Variants in FRMD4B observed in about 807,000 individuals in gnomAD.
FRMD4B encodes FERM domain-containing protein 4B.
A neutral mutation model predicts 141.5 loss-of-function variants in FRMD4B; 74 were observed. The observed-to-expected ratio is 0.52, with a 90% CI of 0.43 to 0.63. FRMD4B has a LOEUF of 0.63. Ranked by LOEUF, FRMD4B falls within the 30% of genes least tolerant of loss-of-function variation. The probability of loss-of-function intolerance (pLI) is 0.00; values close to 1 mark genes in which losing one functional copy is unlikely to be tolerated. For missense variants in FRMD4B, 1,366 were observed against 1,253.4 expected (o/e 1.09, Z -1.36); for synonymous variants, 506 against 467.9 (o/e 1.08, Z -1.05).
intron 2 of FRMD4B, among the ~76,000 whole-genome samples, chr3:69,419,121 A>T (rs1398542147): frequency 5.3e-5 from 8 of 152,208 alleles, no homozygotes; most frequent in Non-Finnish European, 1.0e-4. Context: ...TAACTAGGAA[A>T]TATATGGGAA....
At chr3:69,501,212 T>G (rs1706490376) in intron 1 of FRMD4B, among the ~76,000 whole-genome samples, 1 of 150,174 alleles carries the variant, frequency 6.7e-6, no homozygotes, top group Non-Finnish European at 1.5e-5. Context: ...CACTATAAGG[T>G]TTATGCATGG....
intron 1 of FRMD4B, among the ~76,000 whole-genome samples, chr3:69,443,739 T>G (rs1407857171): frequency 6.6e-6 from 1 of 152,252 alleles, no homozygotes; most frequent in Non-Finnish European, 1.5e-5. Flanking sequence ...CAAAGGAATT[T>G]GGTTTATAGT....
At chr3:69,282,665 G>T (rs1324070812) in intron 5 of FRMD4B, among the ~76,000 whole-genome samples, 1 of 152,134 alleles carries the variant, frequency 6.6e-6, no homozygotes, top group Non-Finnish European at 1.5e-5. Context: ...TGGAGATGGA[G>T]TCTCATTCTG....
chr3:69,278,631 G>A (rs1055071145), intron 5 of FRMD4B, among the ~76,000 whole-genome samples: 2 of 151,364 alleles, frequency 1.3e-5, no homozygotes, highest in Admixed American at 6.6e-5. Context: ...CTGCCGCTCA[G>A]GCAGGAGTGC....
At chr3:69,499,123 T>G (rs1706451439) in intron 1 of FRMD4B, among the ~76,000 whole-genome samples, 1 of 152,158 alleles carries the variant, frequency 6.6e-6, no homozygotes, top group South Asian at 2.1e-4. Context: ...GCAAAGGTCC[T>G]GAGGCAGGAA....
chr3:69,343,940 G>C (rs1196664339), intron 1 of FRMD4B, among the ~76,000 whole-genome samples: 1 of 152,168 alleles, frequency 6.6e-6, no homozygotes, highest in Non-Finnish European at 1.5e-5. Flanking sequence ...AGTCAAGCTT[G>C]TAAGAGCTAT....
chr3:69,179,989 CAG>C (rs2092687608), intron 21 of FRMD4B, among the ~76,000 whole-genome samples: 1 of 152,122 alleles, frequency 6.6e-6, no homozygotes, highest in Non-Finnish European at 1.5e-5. Flanking sequence ...CAAATGTTAG[CAG>C]AGTTAGGGGC....
intron 2 of FRMD4B, among the ~76,000 whole-genome samples, chr3:69,420,589 G>C (rs954324542): frequency 1.1e-4 from 16 of 151,596 alleles, no homozygotes; most frequent in African/African-American, 3.6e-4. Context: ...GGTTTCAAAT[G>C]GGTCAAGATG....
At chr3:69,179,414 C>G (rs2092682215) in intron 21 of FRMD4B, among the ~76,000 whole-genome samples, 1 of 152,158 alleles carries the variant, frequency 6.6e-6, no homozygotes, top group Non-Finnish European at 1.5e-5. Context: ...GTGAAAGTTT[C>G]TCACATCTTG....
At chr3:69,226,499 C>A (rs1004836746) in intron 7 of FRMD4B, among the ~76,000 whole-genome samples, 1 of 150,700 alleles carries the variant, frequency 6.6e-6, no homozygotes, top group African/African-American at 2.4e-5. Flanking sequence ...TAATGAAGGG[C>A]AAATGCATGC....
intron 1 of FRMD4B, among the ~76,000 whole-genome samples, chr3:69,493,211 T>C (rs1311395882): frequency 6.6e-6 from 1 of 152,216 alleles, no homozygotes; most frequent in Non-Finnish European, 1.5e-5. Flanking sequence ...AACTTGTCAA[T>C]TTATCAAATT....
intron 1 of FRMD4B, among the ~76,000 whole-genome samples, chr3:69,347,822 C>T (rs1446607815): frequency 6.6e-6 from 1 of 152,208 alleles, no homozygotes; most frequent in Middle Eastern, 3.2e-3. Context: ...CTCTGGGACA[C>T]ATTTAAAGCA....
intron 5 of FRMD4B, among the ~76,000 whole-genome samples, chr3:69,267,163 G>A (rs1166733635): frequency 6.6e-6 from 1 of 152,200 alleles, no homozygotes; most frequent in Non-Finnish European, 1.5e-5. Flanking sequence ...TCTGATTCAT[G>A]TCCAACATGA....
At chr3:69,207,788 C>T (rs997434828) in intron 11 of FRMD4B, among the ~76,000 whole-genome samples, 1 of 150,852 alleles carries the variant, frequency 6.6e-6, no homozygotes, top group Admixed American at 6.6e-5. Context: ...AGCCTGGTGA[C>T]AGAGTGAGAC....
chr3:69,481,954 C>A (rs1299208341), intron 1 of FRMD4B, among the ~76,000 whole-genome samples: 2 of 152,156 alleles, frequency 1.3e-5, no homozygotes, highest in Non-Finnish European at 2.9e-5. Flanking sequence ...GCAGAAAATC[C>A]CACAAATGTG....
chr3:69,280,003 A>T (rs1367005408), intron 5 of FRMD4B, among the ~76,000 whole-genome samples: 3 of 152,166 alleles, frequency 2.0e-5, no homozygotes, highest in African/African-American at 7.2e-5. Flanking sequence ...TGATTTAAAA[A>T]AAAGGGGGTG....
intron 1 of FRMD4B, among the ~76,000 whole-genome samples, chr3:69,366,648 A>C (rs1703666071): frequency 6.6e-6 from 1 of 152,246 alleles, no homozygotes; most frequent in Non-Finnish European, 1.5e-5. Context: ...CTAACAATTA[A>C]ATTTATTAAC....
intron 1 of FRMD4B, among the ~76,000 whole-genome samples, chr3:69,359,583 C>T (rs1703417157): frequency 6.6e-6 from 1 of 152,164 alleles, no homozygotes; most frequent in Admixed American, 6.5e-5. Context: ...AAGTTCATTA[C>T]TCATATTCCC....
At chr3:69,318,227 G>A (rs994548820) in intron 1 of FRMD4B, among the ~76,000 whole-genome samples, 2 of 152,066 alleles carry the variant, frequency 1.3e-5, no homozygotes, top group Admixed American at 1.3e-4. Flanking sequence ...TGCCCGCCTT[G>A]GACTTCCAAA....
Sources: allele counts gnomAD v4.1 joint callset (sites outside exome capture counted in the v4.1 genomes callset), GRCh38; gene constraint gnomAD v4.1.1; transcripts MANE v1.5; gene names NCBI Gene and HGNC (gene_info 2026-07-23, HGNC 2026-07-21).